Variants in ROBO2 observed in about 807,000 individuals in gnomAD.
ROBO2 encodes roundabout homolog 2.
In ROBO2, 53 loss-of-function variants were observed where a neutral mutation model predicts 160.8. The observed-to-expected ratio is 0.33, with a 90% confidence interval of 0.26 to 0.41. ROBO2 has a LOEUF of 0.41. Among genes scored for constraint, ROBO2 ranks in the 10% least tolerant of loss-of-function variants. The pLI, the probability that ROBO2 is intolerant of heterozygous loss-of-function variation, is 1.00. For missense variants in ROBO2, 1,577 were observed against 1,722.4 expected (o/e 0.92, Z 1.49); for synonymous variants, 664 against 611.7 (o/e 1.09, Z -1.26).
At chr3:77,294,762 C>CTAA (rs2061835387) in intron 2 of ROBO2, among the ~76,000 whole-genome samples, 2 of 84,460 alleles carry the variant, frequency 2.4e-5, no homozygotes, top group African/African-American at 1.1e-4. Context: ...TAGATCACCC[C>CTAA]AGACACAAAG....
intron 2 of ROBO2, among the ~76,000 whole-genome samples, chr3:77,342,054 C>T (rs578245431): frequency 3.6e-4 from 54 of 152,102 alleles, no homozygotes; most frequent in Admixed American, 2.0e-4. Context: ...ATAAAGCTTC[C>T]GTGCGTGTAT....
At chr3:77,215,669 T>G (rs949915300) in intron 2 of ROBO2, among the ~76,000 whole-genome samples, 6 of 152,216 alleles carry the variant, frequency 3.9e-5, no homozygotes, top group Non-Finnish European at 7.3e-5. Flanking sequence ...TTTTTAGAGT[T>G]TCCAGTTTTT....
chr3:76,001,532 GTGTGTA>G (rs1363083221), intron 2 of ROBO2, among the ~76,000 whole-genome samples: 3 of 151,994 alleles, frequency 2.0e-5, no homozygotes, highest in African/African-American at 7.3e-5. Context: ...GTGTGTGTAT[GTGTGTA>G]TGTGTGTGTG....
At chr3:76,265,081 A>C (rs997070284) in intron 2 of ROBO2, among the ~76,000 whole-genome samples, 6 of 152,086 alleles carry the variant, frequency 3.9e-5, no homozygotes, top group African/African-American at 1.4e-4. Flanking sequence ...ATGGCCTTAC[A>C]TCTGAGCCCT....
intron 2 of ROBO2, among the ~76,000 whole-genome samples, chr3:76,699,448 T>A (rs902251991): frequency 2.0e-5 from 3 of 152,190 alleles, no homozygotes; most frequent in Admixed American, 2.0e-4. Flanking sequence ...TTGGACGTTC[T>A]GATATCCGGA....
intron 14 of ROBO2, among the ~76,000 whole-genome samples, chr3:77,575,117 T>G (rs2093728586): frequency 1.3e-5 from 2 of 152,124 alleles, no homozygotes; most frequent in African/African-American, 4.8e-5. Flanking sequence ...ACATTTTCTT[T>G]TATTAGCCAC....
intron 2 of ROBO2, among the ~76,000 whole-genome samples, chr3:76,044,911 T>G (rs1434352193): frequency 6.6e-6 from 1 of 151,882 alleles, no homozygotes; most frequent in Non-Finnish European, 1.5e-5. Context: ...CAGAGATAAA[T>G]AGAATGTGCA....
At chr3:76,726,949 C>A (rs1057240621) in intron 2 of ROBO2, among the ~76,000 whole-genome samples, 7 of 152,148 alleles carry the variant, frequency 4.6e-5, no homozygotes, top group Non-Finnish European at 7.4e-5. Context: ...TGTGTTATTA[C>A]AACCTGAATT....
intron 2 of ROBO2, among the ~76,000 whole-genome samples, chr3:77,462,471 AT>A (rs970574623): frequency 2.6e-5 from 4 of 152,202 alleles, no homozygotes; most frequent in Non-Finnish European, 5.9e-5. Flanking sequence ...CAGATATTTT[AT>A]TGACATTTAC....
intron 2 of ROBO2, among the ~76,000 whole-genome samples, chr3:76,047,404 G>A (rs891758575): frequency 2.0e-5 from 3 of 152,154 alleles, no homozygotes; most frequent in African/African-American, 7.2e-5. Flanking sequence ...CTCTCTGTCT[G>A]TCTTGTTCTA....
chr3:76,521,446 A>C (rs988382753), intron 2 of ROBO2, among the ~76,000 whole-genome samples: 5 of 152,148 alleles, frequency 3.3e-5, no homozygotes, highest in African/African-American at 1.2e-4. Flanking sequence ...ACAAGGCCCA[A>C]GGAGAACAGC....
intron 2 of ROBO2, among the ~76,000 whole-genome samples, chr3:75,992,687 C>G (rs1253609574): frequency 6.6e-6 from 1 of 152,162 alleles, no homozygotes; most frequent in Non-Finnish European, 1.5e-5. Flanking sequence ...GGTAGATCCA[C>G]TGAAAGCTTG....
chr3:76,775,912 T>C (rs776130282), intron 2 of ROBO2, among the ~76,000 whole-genome samples: 9 of 150,866 alleles, frequency 6.0e-5, no homozygotes, highest in Non-Finnish European at 1.0e-4. Flanking sequence ...TATTGTGTAT[T>C]GTCTATTTAT....
At chr3:76,823,992 A>C (rs1165309560) in intron 2 of ROBO2, among the ~76,000 whole-genome samples, 1 of 152,128 alleles carries the variant, frequency 6.6e-6, no homozygotes, top group Non-Finnish European at 1.5e-5. Flanking sequence ...GAGGTGAGCA[A>C]TCCTGGTTTG....
chr3:76,867,466 A>G (rs547889390), intron 2 of ROBO2, among the ~76,000 whole-genome samples: 59 of 152,180 alleles, frequency 3.9e-4, no homozygotes, highest in African/African-American at 1.3e-3. Context: ...CAGAGTTTGG[A>G]TTTAAGAAAA....
chr3:76,631,010 G>A (rs2089997037), intron 2 of ROBO2, among the ~76,000 whole-genome samples: 1 of 152,142 alleles, frequency 6.6e-6, no homozygotes, highest in African/African-American at 2.4e-5. Flanking sequence ...GTGCTGGGCT[G>A]AATGTGCGAG....
intron 2 of ROBO2, among the ~76,000 whole-genome samples, chr3:76,603,344 AAAAAAAAATAT>A (rs1211999400): frequency 6.2e-5 from 4 of 64,672 alleles, no homozygotes; most frequent in Middle Eastern, 6.9e-3. Flanking sequence ...AAAAAAAAAA[AAAAAAAAATAT>A]ATATATATAT....
chr3:75,978,746 T>C (rs2065197187), intron 2 of ROBO2, among the ~76,000 whole-genome samples: 1 of 151,552 alleles, frequency 6.6e-6, no homozygotes, highest in African/African-American at 2.4e-5. Flanking sequence ...TGAATAACTT[T>C]ACAGAATAAA....
intron 2 of ROBO2, among the ~76,000 whole-genome samples, chr3:76,993,817 T>A (rs1259898250): frequency 6.6e-6 from 1 of 152,044 alleles, no homozygotes; most frequent in East Asian, 1.9e-4. Flanking sequence ...GCATTTCCTG[T>A]CAACCATTCT....
Sources: allele counts gnomAD v4.1 joint callset (sites outside exome capture counted in the v4.1 genomes callset), GRCh38; gene constraint gnomAD v4.1.1; transcripts MANE v1.5; gene names NCBI Gene and HGNC (gene_info 2026-07-23, HGNC 2026-07-21).